MRC1: variants seen among roughly 807,000 people sequenced by gnomAD.
MRC1 encodes the protein macrophage mannose receptor 1.
MRC1 carries 62 observed loss-of-function variants against 102.9 expected under a neutral mutation model. The ratio of observed to expected loss-of-function variants is 0.60; its 90% CI spans 0.49 to 0.74. MRC1 has a LOEUF of 0.74. MRC1 is among the 30% of genes least tolerant of loss of function. MRC1 has a pLI of 0.00. For missense variants in MRC1, 1,237 were observed against 862.8 expected (o/e 1.43, Z -5.43); for synonymous variants, 457 against 298.4 (o/e 1.53, Z -5.48).
chr10:17,840,233 T>C (rs1838730971), intron 4 of MRC1, among the ~76,000 whole-genome samples: 2 of 152,204 alleles, frequency 1.3e-5, no homozygotes, highest in Admixed American at 1.3e-4. Context: ...TCCTTGGTGT[T>C]AGCATAAGCA....
intron 3 of MRC1, among the ~76,000 whole-genome samples, chr10:17,829,406 A>G (rs1838534200): frequency 6.6e-6 from 1 of 151,414 alleles, no homozygotes; most frequent in Non-Finnish European, 1.5e-5. Context: ...TTGTCTTCAG[A>G]GTGCAGTCTC....
chr10:17,898,145 C>A lies in MRC1; in HGVS notation c.3362C>A (p.Thr1121Lys). 1.3e-6 allele frequency: 1 copy of A among 780,844 alleles called. No homozygotes were observed. The allele number at this position is 780,844 out of a possible 1,614,324, so 48.4% of individuals were successfully genotyped here. A position where few individuals can be genotyped will look rare whatever the true frequency, so the allele number is the denominator to read the frequency against. ...AAATTTCAATGGCATGAAGCGGAGA[C>A]ATACTGCAAGCTTCACAATTCCCTT... ...RQKFQWHEAE[T>K]YCKLHNSLIA... The change falls in exon 24 of 30, where the codon ACA becomes AAA. Residue 1121 changes from threonine (T) to lysine (K), a missense_variant. Coordinates refer to ENST00000569591, the MANE Select transcript of MRC1 (RefSeq NM_002438.4).
At position 17,840,740 on chromosome 10, in the gene MRC1, C is replaced by T. The variant is rs782014644; in HGVS notation, c.850C>T (p.Leu284=). The T allele has an allele frequency of 2.6e-6, 2 of 780,880 alleles. No homozygotes were observed. The highest frequency in any genetic ancestry group is 2.7e-5 in the South Asian group (2 of 74,610). The allele number at this position is 780,880 out of a possible 1,614,324, so 48.4% of individuals were successfully genotyped here. A position where few individuals can be genotyped will look rare whatever the true frequency, so the allele number is the denominator to read the frequency against. ...AGGACTCTGGATTGGACTTAACAGT[C>T]TGAGCTTCAACAGCGGTTGGCAGTG... ...TSGLWIGLNS[L]SFNSGWQWSD... is the part of the protein sequence containing the mutation. The change falls in exon 5 of 30, where the codon CTG becomes TTG. Residue 284 remains leucine (L), a synonymous_variant. Transcript: ENST00000569591.
chr10:17,869,271 T>C (rs1833321204), intron 12 of MRC1, among the ~76,000 whole-genome samples: 3 of 152,228 alleles, frequency 2.0e-5, no homozygotes, highest in Admixed American at 2.0e-4. Context: ...TAAAATCTTA[T>C]ATCACAGTCT....
In MRC1 at chr10:17,878,526, C is replaced by A. The variant is rs1358077746; in HGVS notation, c.2618+559C>A. On this transcript the variant is annotated intron_variant, in intron 18 of 29. Transcript: ENST00000569591. ...ACATTTTATGTTCTTTTTTCTTGTA[C>A]CTTAATACATATGTCCTCTAGAGTT... Among the ~76,000 whole-genome samples, 6 of 152,136 alleles carry A rather than the reference C, an allele frequency of 3.9e-5. No homozygotes were observed. In the East Asian group the frequency reaches 1.2e-3, roughly 29 times the overall value.
chr10:17,812,382 C>T (rs1377968182), intron 1 of MRC1, among the ~76,000 whole-genome samples: 3 of 152,118 alleles, frequency 2.0e-5, no homozygotes, highest in African/African-American at 7.2e-5. Context: ...GTTTGGCTCA[C>T]AGGTAGTGGT....
intron 9 of MRC1, 61 bp downstream of exon 9, chr10:17,856,413 T>A: frequency 1.2e-6 from 1 of 806,568 alleles, no homozygotes. Flanking sequence ...ACCGTTGGCT[T>A]TATTTTTATG....
intron 1 of MRC1, among the ~76,000 whole-genome samples, chr10:17,817,749 G>A (rs1016654547): frequency 5.9e-5 from 9 of 152,192 alleles, no homozygotes; most frequent in Non-Finnish European, 8.8e-5. Context: ...CATCTTTGCC[G>A]TATTTCTGTT....
At chr10:17,848,876 G>A (rs1459560304) in intron 6 of MRC1, among the ~76,000 whole-genome samples, 2 of 152,058 alleles carry the variant, frequency 1.3e-5, no homozygotes, top group African/African-American at 2.4e-5. Context: ...CTATGGTGGC[G>A]GAGGCTCCTT....
intron 19 of MRC1, among the ~76,000 whole-genome samples, chr10:17,880,281 T>C (rs1349948614): frequency 1.3e-5 from 2 of 152,192 alleles, no homozygotes; most frequent in Non-Finnish European, 2.9e-5. Context: ...ATTTAGGTAA[T>C]ATATCTGCAA....
At chr10:17,861,168 C>T (rs980985314) in intron 9 of MRC1, among the ~76,000 whole-genome samples, 17,676 of 152,096 alleles carry the variant, frequency 0.12, 1,200 homozygotes, top group Non-Finnish European at 0.16. Flanking sequence ...AAAAATTTGG[C>T]CGGGTGTGGT....
intron 20 of MRC1, 132 bp downstream of exon 20, chr10:17,880,802 G>C (rs987986988): frequency 1.5e-4 from 111 of 756,142 alleles, no homozygotes; most frequent in East Asian, 1.4e-3. Context: ...GAAAATTCGC[G>C]TGACAAACTC....
chr10:17,836,180 T>G lies in MRC1; in HGVS notation c.802+2341T>G, dbSNP rs1457030854. Among the ~76,000 whole-genome samples the G allele has an allele frequency of 1.8e-4, 28 of 152,298 alleles. No individual in the cohort carries two copies. The East Asian group carries it at 3.5e-3, about 19-fold the overall frequency. ...CCTCATTTCTTAGCACCTACCTTTTTCCAGCTATTTTCAGATGACACCCGT... is the reference window on the plus strand; with the variant it reads ...CCTCATTTCTTAGCACCTACCTTTTGCCAGCTATTTTCAGATGACACCCGT... On this transcript the variant is annotated intron_variant, in intron 4 of 29. Coordinates refer to ENST00000569591, the MANE Select transcript of MRC1 (RefSeq NM_002438.4).
chr10:17,855,885 T>C (rs888679906), intron 8 of MRC1, among the ~76,000 whole-genome samples: 38 of 151,832 alleles, frequency 2.5e-4, no homozygotes, highest in African/African-American at 8.0e-4. Flanking sequence ...AAGTCCAAAA[T>C]TGGCCGGGCG....
intron 6 of MRC1, among the ~76,000 whole-genome samples, chr10:17,846,782 CA>C (rs1476724952): frequency 6.6e-6 from 1 of 152,078 alleles, no homozygotes; most frequent in African/African-American, 2.4e-5. Context: ...TATGGCTGTC[CA>C]AAAGCTATTG....
intron 28 of MRC1, 147 bp from the exon 29 acceptor site, chr10:17,909,159 A>G: frequency 1.5e-6 from 1 of 659,662 alleles, no homozygotes; most frequent in South Asian, 1.8e-5. Context: ...TTCTACCTGT[A>G]TTTTTATATC....
intron 24 of MRC1, 127 bp from the exon 25 acceptor site, chr10:17,900,661 T>C (rs1833816974): frequency 2.7e-6 from 2 of 739,140 alleles, no homozygotes; most frequent in South Asian, 1.5e-5. Flanking sequence ...GTTCTTTTTA[T>C]TCTCAAATGT....
At chr10:17,879,222 G>A (rs1554842260) in intron 18 of MRC1, among the ~76,000 whole-genome samples, 1 of 152,136 alleles carries the variant, frequency 6.6e-6, no homozygotes, top group African/African-American at 2.4e-5. Flanking sequence ...CCTGGACATG[G>A]CATCAGGGTT....
intron 2 of MRC1, among the ~76,000 whole-genome samples, chr10:17,823,765 A>G (rs1209803304): frequency 6.6e-6 from 1 of 152,252 alleles, no homozygotes; most frequent in East Asian, 1.9e-4. Context: ...TTTTTCAGAA[A>G]ATCGTTTTCA....
Sources: allele counts gnomAD v4.1 joint callset (sites outside exome capture counted in the v4.1 genomes callset), GRCh38; gene constraint gnomAD v4.1.1; transcripts MANE v1.5; gene names NCBI Gene and HGNC (gene_info 2026-07-23, HGNC 2026-07-21).